The following SLC16A3 variants were observed in gnomAD, a reference collection of about 807,000 sequenced individuals.
The protein encoded by SLC16A3 is solute carrier family 16 member 3.
SLC16A3 carries 22 observed loss-of-function variants against 25.0 expected under a neutral mutation model. That is an observed-to-expected ratio of 0.88 (90% CI 0.63 to 1.26). The LOEUF is 1.26. Among genes scored for constraint, SLC16A3 ranks in the 50% most tolerant of loss-of-function variants. The pLI, the probability that SLC16A3 is intolerant of heterozygous loss-of-function variation, is 0.00. For missense variants in SLC16A3, 731 were observed against 666.6 expected (o/e 1.10, Z -1.06); for synonymous variants, 390 against 309.2 (o/e 1.26, Z -2.74).
Position 82,240,014 on chromosome 17 carries a change from T to C in SLC16A3, c.*1038T>C, listed in dbSNP as rs2050719666. ...CGTGGGCGCTGGGGACGGCAGCGGGTGCCCTGGCGGGCCGCGTGCAGCCGG... is the reference window on the plus strand; with the variant it reads ...CGTGGGCGCTGGGGACGGCAGCGGGCGCCCTGGCGGGCCGCGTGCAGCCGG... On this transcript the variant is annotated 3_prime_UTR_variant, in exon 5 of 5. Coordinates refer to ENST00000582743, the MANE Select transcript of SLC16A3 (RefSeq NM_004207.4). 8.1e-7 allele frequency: 1 copy of C among 1,233,764 alleles called. No homozygotes were observed. The highest frequency in any genetic ancestry group is 1.0e-6 in the Non-Finnish European group (1 of 987,866). 76.4% of individuals were successfully genotyped at this position (1,233,764 alleles called of 1,614,324 possible).
In SLC16A3 at chr17:82,239,905, A is replaced by G; in HGVS notation, c.*929A>G. On this transcript the variant is annotated 3_prime_UTR_variant, in exon 5 of 5. Transcript: ENST00000582743. ...GCGCTTGGGCTTGTCCTGGACACCT[A>G]ACACCCACCTGCCCTCGTGGCCAGC... The G allele has an allele frequency of 1.0e-6, 1 of 962,028 alleles. No individual in the cohort carries two copies. Among genetic ancestry groups the G allele is most frequent in the Non-Finnish European group, 1.4e-6 (1 of 740,588 alleles). The allele number at this position is 962,028 out of a possible 1,614,324, so 59.6% of individuals were successfully genotyped here.
intron 1 of SLC16A3, chr17:82,234,249 C>G (rs1599556738): frequency 6.6e-6 from 1 of 152,144 alleles, no homozygotes; most frequent in African/African-American, 2.4e-5. Flanking sequence ...GCTCAGTGAC[C>G]CCAGGCAGTG....
Position 82,236,335 on chromosome 17 carries a change from A to G in SLC16A3, c.223+104A>G, listed in dbSNP as rs375091669. 470 of 1,091,766 alleles carry G rather than the reference A, an allele frequency of 4.3e-4. 6 individuals are homozygous for G. The East Asian group carries it at 0.01, about 23-fold the overall frequency. The allele number at this position is 1,091,766 out of a possible 1,614,324, so 67.6% of individuals were successfully genotyped here. A position where few individuals can be genotyped will look rare whatever the true frequency, so the allele number is the denominator to read the frequency against. ...CAACAGGGCCTTCCGCCTGCTCCCC[A>G]GGGAACCCTGGAGGGAAGCCCTTGG... On this transcript the variant is annotated intron_variant, in intron 2 of 4. Transcript: ENST00000582743.
Position 82,235,999 on chromosome 17 carries a change from C to A in SLC16A3, c.-10C>A, listed in dbSNP as rs367627694. 6.2e-7 allele frequency: 1 copy of A among 1,608,142 alleles called. No homozygotes were observed. The highest frequency in any genetic ancestry group is 8.5e-7 in the Non-Finnish European group (1 of 1,177,802). ...CTCTCTCAGGTGAGGCGGAACCAAC[C>A]CTCCTGGCCATGGGAGGGGCCGTGG... is the stretch of plus-strand genomic sequence containing the variant. On this transcript the variant is annotated 5_prime_UTR_variant, in exon 2 of 5. Coordinates refer to ENST00000582743, the MANE Select transcript of SLC16A3 (RefSeq NM_004207.4).
chr17:82,223,522 T>A (rs2050401753), upstream of SLC16A3, among the ~76,000 whole-genome samples: 1 of 151,858 alleles, frequency 6.6e-6, no homozygotes, highest in African/African-American at 2.4e-5. Context: ...TTTTTCTTTT[T>A]GAGACAGAGT....
At chr17:82,226,555 T>G (rs1036825397), upstream of SLC16A3, among the ~76,000 whole-genome samples, 19 of 152,108 alleles carry the variant, frequency 1.2e-4, no homozygotes, top group African/African-American at 4.3e-4. Context: ...CCAGGGTTGT[T>G]GAGGGAGGGG....
At chr17:82,225,869 C>A (rs930928816), upstream of SLC16A3, among the ~76,000 whole-genome samples, 2 of 152,072 alleles carry the variant, frequency 1.3e-5, no homozygotes, top group African/African-American at 4.8e-5. Flanking sequence ...GTTCTGCCAC[C>A]CTCCCTGGGG....
At chr17:82,232,003 T>G (rs2050504124) in intron 1 of SLC16A3, 1 of 152,228 alleles carries the variant, frequency 6.6e-6, no homozygotes, top group African/African-American at 2.4e-5. Context: ...CTTCCTTGTT[T>G]GCACAACAGG....
chr17:82,226,193 G>A (rs9913848), upstream of SLC16A3, among the ~76,000 whole-genome samples: 108,077 of 151,622 alleles, frequency 0.71, 38,855 homozygotes, highest in East Asian at 0.93. Context: ...GGCAGGTGGA[G>A]GCACCTGGGT....
chr17:82,237,900 G>T lies in SLC16A3; in HGVS notation c.1123+7G>T, dbSNP rs765721092. On this transcript the variant is annotated splice_region_variant and intron_variant, in intron 4 of 4. Transcript: ENST00000582743. ...GTCGGGCCCCCTTCGGGAGGTGAGCGCTGCGCCCCCAGGCAGTTCCCCACA... is the reference window on the plus strand; with the variant it reads ...GTCGGGCCCCCTTCGGGAGGTGAGCTCTGCGCCCCCAGGCAGTTCCCCACA... 1.3e-6 allele frequency: 2 copies of T among 1,595,986 alleles called. No individual in the cohort carries two copies. The highest frequency in any genetic ancestry group is 1.7e-5 in the Admixed American group (1 of 59,920).
upstream of SLC16A3, among the ~76,000 whole-genome samples, chr17:82,223,866 C>T (rs2050403569): frequency 6.6e-6 from 1 of 151,974 alleles, no homozygotes. Context: ...TCAGTTCTGT[C>T]TCCCAGTGAC....
At chr17:82,230,218 C>T (rs1002291023) in intron 1 of SLC16A3, 3 of 152,530 alleles carry the variant, frequency 2.0e-5, no homozygotes, top group African/African-American at 7.2e-5. Context: ...TCGACTCCCT[C>T]ATGGAGGGAA....
rs2050711084 is a variant in SLC16A3 at position 82,239,617 on chromosome 17, G to A, written c.*641G>A. The stretch of plus-strand genomic sequence containing the variant: ...GCAGCGGCATAGCATTCGTAGCAGG[G>A]GCAGGCGCTGCATGGAGGGGGCTGC... On this transcript the variant is annotated 3_prime_UTR_variant, in exon 5 of 5. Transcript: ENST00000582743. 1 of 244,160 alleles carries A rather than the reference G, an allele frequency of 4.1e-6. No individual in the cohort carries two copies. Among genetic ancestry groups the A allele is most frequent in the South Asian group, 1.8e-4 (1 of 5,712 alleles). The allele number at this position is 244,160 out of a possible 1,614,324, so 15.1% of individuals were successfully genotyped here.
intron 1 of SLC16A3, chr17:82,234,872 G>A (rs1473747738): frequency 6.6e-6 from 1 of 152,352 alleles, no homozygotes; most frequent in African/African-American, 2.4e-5. Flanking sequence ...TTGCGTCGTG[G>A]GTGGGCGTGG....
chr17:82,222,326 C>T (rs1282485963), intron 1 of SLC16A3, among the ~76,000 whole-genome samples: 4 of 152,200 alleles, frequency 2.6e-5, no homozygotes, highest in Non-Finnish European at 4.4e-5. Context: ...CCAGCAACTC[C>T]GCTCCTACAT....
chr17:82,237,299 CGG>C lies in SLC16A3; in HGVS notation c.532_533del (p.Gly178ArgfsTer96). On this transcript the variant is annotated frameshift_variant, in exon 4 of 5. Coordinates refer to ENST00000582743, the MANE Select transcript of SLC16A3 (RefSeq NM_004207.4). LOFTEE classifies it high-confidence loss of function. Reference protein sequence around the residue: ...GQLLQDRYGWRGGFLILGGLL... With the variant: ...GQLLQDRYGWXGGFLILGGLL... ...GCTGCTGCAGGACCGCTACGGCTGG[CGG>C]GGCGGCTTCCTCATCCTGGGCGGCC... is the stretch of plus-strand genomic sequence containing the variant. The C allele has an allele frequency of 6.4e-7, 1 of 1,554,792 alleles. No individual in the cohort carries two copies. Among genetic ancestry groups the C allele is most frequent in the Non-Finnish European group, 8.7e-7 (1 of 1,149,616 alleles).
At position 82,237,651 on chromosome 17, in the gene SLC16A3, C is replaced by T. The variant is rs781646225; in HGVS notation, c.881C>T (p.Ser294Phe). Reference protein sequence around the residue: ...VAGLGKVRPYSVYLFSFSMFF... With the variant: ...VAGLGKVRPYFVYLFSFSMFF... ...GGGCTTGGGAAGGTGCGGCCCTACT[C>T]CGTCTACCTCTTCAGCTTCTCCATG... The change falls in exon 4 of 5, where the codon TCC becomes TTC. Residue 294 changes from serine to phenylalanine, a missense_variant. Transcript: ENST00000582743. The T allele has an allele frequency of 8.7e-6, 14 of 1,612,856 alleles. No individual in the cohort carries two copies. The South Asian group carries it at 1.2e-4, about 14-fold the overall frequency.
intron 1 of SLC16A3, chr17:82,230,196 A>C (rs2050471496): frequency 6.6e-6 from 1 of 152,424 alleles, no homozygotes; most frequent in Non-Finnish European, 1.5e-5. Context: ...CGTGGTGTGG[A>C]GGCGGCTGGG....
upstream of SLC16A3, among the ~76,000 whole-genome samples, chr17:82,224,089 CAG>C (rs2050405649): frequency 7.1e-6 from 1 of 141,192 alleles, no homozygotes; most frequent in African/African-American, 2.7e-5. Flanking sequence ...GACACCTGTG[CAG>C]ACACACCCCT....
Sources: allele counts gnomAD v4.1 joint callset (sites outside exome capture counted in the v4.1 genomes callset), GRCh38; gene constraint gnomAD v4.1.1; transcripts MANE v1.5; gene names NCBI Gene and HGNC (gene_info 2026-07-23, HGNC 2026-07-21).